CDC14A: variants seen among roughly 807,000 people sequenced by gnomAD.
CDC14A encodes dual specificity protein phosphatase CDC14A.
In CDC14A, 53 loss-of-function variants were observed where a neutral mutation model predicts 74.4. That is an observed-to-expected ratio of 0.71 (90% CI 0.57 to 0.89). The LOEUF is 0.89. CDC14A is among the 40% of genes least tolerant of loss of function. The pLI, the probability that CDC14A is intolerant of heterozygous loss-of-function variation, is 0.00. For missense variants in CDC14A, 646 were observed against 713.7 expected, an observed-to-expected ratio of 0.91 and a Z score of 1.08; for synonymous variants, 247 against 258.4, an observed-to-expected ratio of 0.96 and a Z score of 0.43.
At chr1:100,427,634 C>T (rs1557748955) in intron 5 of CDC14A, among the ~76,000 whole-genome samples, 1 of 152,168 alleles carries the variant, frequency 6.6e-6, no homozygotes, top group Non-Finnish European at 1.5e-5. Context: ...GCTGACTCTT[C>T]TCTTGAGGGC....
intron 8 of CDC14A, among the ~76,000 whole-genome samples, chr1:100,457,990 A>G (rs960007149): frequency 1.3e-5 from 2 of 152,232 alleles, no homozygotes; most frequent in Admixed American, 6.5e-5. Flanking sequence ...ATAATAAGTT[A>G]TAAGTGTCAA....
intron 4 of CDC14A, among the ~76,000 whole-genome samples, chr1:100,411,723 A>G (rs1394965405): frequency 2.0e-5 from 3 of 152,184 alleles, no homozygotes; most frequent in Admixed American, 2.0e-4. Context: ...ACAGTCATTG[A>G]GCACCTGGGC....
chr1:100,386,793 T>C (rs1656936207), intron 3 of CDC14A, among the ~76,000 whole-genome samples: 1 of 152,204 alleles, frequency 6.6e-6, no homozygotes, highest in Non-Finnish European at 1.5e-5. Flanking sequence ...GGCTCATACA[T>C]AGAGTCCTGT....
At chr1:100,424,167 A>G in intron 4 of CDC14A, 55 bp from the exon 5 acceptor site, 1 of 1,295,202 alleles carries the variant, frequency 7.7e-7, no homozygotes, top group Non-Finnish European at 1.1e-6. Flanking sequence ...TTTGGTGAGT[A>G]ATTAGTTTTG....
intron 8 of CDC14A, among the ~76,000 whole-genome samples, chr1:100,459,120 C>CAGAGAGAGAGAGAGAGAG (rs1157099545): frequency 8.1e-5 from 12 of 148,600 alleles, no homozygotes; most frequent in African/African-American, 2.8e-4. Flanking sequence ...CACACACACA[C>CAGAGAGAGAGAGAGAGAG]ACACACAGAG....
In CDC14A at chr1:100,518,324, TTTC is replaced by T. The variant is rs1291264909; in HGVS notation, c.*48_*50del. 6.6e-7 allele frequency: 1 copy of T among 1,526,244 alleles called. No homozygotes were observed. The highest frequency in any genetic ancestry group is 9.1e-7 in the Non-Finnish European group (1 of 1,101,368). 94.5% of individuals were successfully genotyped at this position (1,526,244 alleles called of 1,614,324 possible). On this transcript the variant is annotated 3_prime_UTR_variant, in exon 16 of 16. Transcript: ENST00000336454. Reference sequence around the variant, plus strand: ...AAAGCTGTTCTTCTCTTAGACACAATTTCTTCATCTGGACGAGCAGTGGAGAGG... The same window carrying T: ...AAAGCTGTTCTTCTCTTAGACACAATTTCATCTGGACGAGCAGTGGAGAGG...
chr1:100,487,141 T>C (rs971718023), intron 11 of CDC14A, among the ~76,000 whole-genome samples: 4 of 152,210 alleles, frequency 2.6e-5, no homozygotes, highest in African/African-American at 9.6e-5. Context: ...CCTCTTGAGA[T>C]TGACTTTTAA....
At position 100,425,570 on chromosome 1, in the gene CDC14A, A is replaced by G. The variant is rs141401458; in HGVS notation, c.389+1269A>G. On this transcript the variant is annotated intron_variant, in intron 5 of 15. Transcript: ENST00000336454. ...CTGTTAGGGTAAGACATGGGGAGGG[A>G]AGAAGCAACACCTATTGTGCTTAAT... Among the ~76,000 whole-genome samples, 4 of 152,230 alleles carry G rather than the reference A, an allele frequency of 2.6e-5. No individual in the cohort carries two copies. The East Asian group carries it at 7.7e-4, about 29-fold the overall frequency.
At chr1:100,361,123 C>CA (rs1461679691) in intron 2 of CDC14A, among the ~76,000 whole-genome samples, 8 of 148,844 alleles carry the variant, frequency 5.4e-5, no homozygotes, top group Non-Finnish European at 1.2e-4. Flanking sequence ...CAACAAAAAA[C>CA]AAAAAACAAA....
intron 9 of CDC14A, 107 bp from the exon 10 acceptor site, chr1:100,467,849 C>A: frequency 1.9e-6 from 2 of 1,079,082 alleles, no homozygotes; most frequent in South Asian, 1.7e-5. Flanking sequence ...TTGATAATAT[C>A]ATCACACTTG....
In CDC14A at chr1:100,496,177, C is replaced by T. The variant is rs1044242817; in HGVS notation, c.1298+128C>T. 6.9e-6 allele frequency: 5 copies of T among 725,686 alleles called. No homozygotes were observed. In the African/African-American group the frequency reaches 8.9e-5, roughly 13 times the overall value. The allele number at this position is 725,686 out of a possible 1,614,324, so 45.0% of individuals were successfully genotyped here. ...TTGCTTTTTAAATTGCTTCCTTTCT[C>T]TTCCATATTGTTTATGCCTTATTTT... On this transcript the variant is annotated intron_variant, in intron 13 of 15. Transcript: ENST00000336454.
intron 5 of CDC14A, among the ~76,000 whole-genome samples, chr1:100,428,613 T>G (rs1480535511): frequency 1.3e-5 from 2 of 152,202 alleles, no homozygotes; most frequent in Non-Finnish European, 2.9e-5. Context: ...TCAGCTTGTC[T>G]AAAACCCCAG....
upstream of CDC14A, among the ~76,000 whole-genome samples, chr1:100,350,342 C>T (rs1404619968): frequency 6.6e-6 from 1 of 152,244 alleles, no homozygotes; most frequent in Non-Finnish European, 1.5e-5. Flanking sequence ...ATCCGCAGGC[C>T]TTGGCCTCCC....
chr1:100,445,511 T>C (rs1229959600), intron 7 of CDC14A, among the ~76,000 whole-genome samples: 1 of 152,098 alleles, frequency 6.6e-6, no homozygotes, highest in Non-Finnish European at 1.5e-5. Context: ...ACTAAAGCCA[T>C]TTCAATTAAA....
intron 5 of CDC14A, among the ~76,000 whole-genome samples, chr1:100,439,144 T>G (rs918632759): frequency 6.6e-6 from 1 of 152,220 alleles, no homozygotes; most frequent in African/African-American, 2.4e-5. Flanking sequence ...TATGAAGCAC[T>G]CAATTTTCAC....
chr1:100,350,797 G>C (rs1650897447), upstream of CDC14A, among the ~76,000 whole-genome samples: 2 of 152,188 alleles, frequency 1.3e-5, no homozygotes, highest in African/African-American at 4.8e-5. Flanking sequence ...AACATCTTTG[G>C]ATTTATTTAG....
intron 11 of CDC14A, among the ~76,000 whole-genome samples, chr1:100,489,582 G>GTTT (rs5776511): frequency 1.4e-5 from 2 of 146,796 alleles, no homozygotes; most frequent in Non-Finnish European, 3.0e-5. Flanking sequence ...CATCACTCAT[G>GTTT]TTTTTTTTTT....
intron 10 of CDC14A, among the ~76,000 whole-genome samples, chr1:100,477,566 G>GAC (rs1372128123): frequency 6.6e-6 from 1 of 152,020 alleles, no homozygotes. Flanking sequence ...AAAGAGGATA[G>GAC]AAGTTGGACT....
At chr1:100,459,382 T>C (rs1032201625) in intron 8 of CDC14A, among the ~76,000 whole-genome samples, 13 of 152,182 alleles carry the variant, frequency 8.5e-5, no homozygotes, top group Non-Finnish European at 2.9e-5. Context: ...ATTAGAGATG[T>C]TATGTGAAGT....
Sources: allele counts gnomAD v4.1 joint callset (sites outside exome capture counted in the v4.1 genomes callset), GRCh38; gene constraint gnomAD v4.1.1; transcripts MANE v1.5; gene names NCBI Gene and HGNC (gene_info 2026-07-23, HGNC 2026-07-21).